The following DLGAP1 variants were observed in gnomAD, a reference collection of about 807,000 sequenced individuals.
The protein encoded by DLGAP1 is DLG associated protein 1, also known as disks large-associated protein 1.
Under a neutral mutation model 90.8 loss-of-function variants are expected in DLGAP1, and 11 were observed. The observed-to-expected ratio is 0.12, with a 90% CI of 0.08 to 0.20. The LOEUF is 0.20. Among genes scored for constraint, DLGAP1 ranks in the 10% least tolerant of loss-of-function variants. The pLI is 1.00. For synonymous variants in DLGAP1, 558 were observed against 540.7 expected (o/e 1.03, Z -0.44); for missense variants, 1,050 against 1,333.8 (o/e 0.79, Z 3.31).
chr18:3,990,474 G>T (rs1198812893), intron 3 of DLGAP1, among the ~76,000 whole-genome samples: 2 of 143,100 alleles, frequency 1.4e-5, no homozygotes, highest in East Asian at 4.0e-4. Flanking sequence ...TCACACTCTG[G>T]GGACTGTTGT....
At position 3,874,807 on chromosome 18, in the gene DLGAP1, A is replaced by G. The variant is rs1011852341; in HGVS notation, c.957+4305T>C. The G allele has an allele frequency of 8.1e-6, 11 of 1,350,764 alleles. No individual in the cohort carries two copies. The South Asian group carries it at 8.6e-5, about 11-fold the overall frequency. 83.7% of individuals were successfully genotyped at this position (1,350,764 alleles called of 1,614,324 possible). On this transcript the variant is annotated intron_variant, in intron 4 of 12. Coordinates refer to ENST00000315677, the MANE Select transcript of DLGAP1 (RefSeq NM_004746.4). ...TGACATTTAAAAATAACAATATTGG[A>G]AAAAAAAGGAGTCCCTTTTTTTATT...
At chr18:3,855,414 T>G (rs547715095) in intron 4 of DLGAP1, among the ~76,000 whole-genome samples, 155 of 152,156 alleles carry the variant, frequency 1.0e-3, no homozygotes, top group South Asian at 4.1e-3. Flanking sequence ...AACCTGCACA[T>G]GTACCCCTTA....
At chr18:3,639,839 C>T (rs2058866439) in intron 7 of DLGAP1, among the ~76,000 whole-genome samples, 1 of 138,014 alleles carries the variant, frequency 7.2e-6, no homozygotes, top group Non-Finnish European at 1.5e-5. Flanking sequence ...ACTGCAAGCT[C>T]CGCCTCCTGG....
At chr18:3,929,303 G>T (rs1311846087) in intron 3 of DLGAP1, among the ~76,000 whole-genome samples, 1 of 152,190 alleles carries the variant, frequency 6.6e-6, no homozygotes, top group Non-Finnish European at 1.5e-5. Flanking sequence ...AGCTATCAAG[G>T]TGTAGCACAT....
At chr18:3,769,160 G>C (rs1370805280) in intron 5 of DLGAP1, among the ~76,000 whole-genome samples, 2 of 152,100 alleles carry the variant, frequency 1.3e-5, no homozygotes, top group Admixed American at 6.5e-5. Context: ...AACATCACTA[G>C]TCATTAAGGA....
At chr18:4,233,781 A>G (rs73376914) in intron 1 of DLGAP1, among the ~76,000 whole-genome samples, 11,344 of 152,222 alleles carry the variant, frequency 0.075, 640 homozygotes, top group African/African-American at 0.15. Context: ...GGAGATAGAA[A>G]GCTGTATAGG....
At chr18:4,119,766 A>G (rs543977184) in intron 2 of DLGAP1, among the ~76,000 whole-genome samples, 2 of 152,320 alleles carry the variant, frequency 1.3e-5, no homozygotes, top group Admixed American at 6.5e-5. Context: ...GTGGATCACT[A>G]TTAATCTGGA....
chr18:4,212,351 T>C (rs1408731308), intron 1 of DLGAP1, among the ~76,000 whole-genome samples: 1 of 151,916 alleles, frequency 6.6e-6, no homozygotes, highest in Admixed American at 6.6e-5. Context: ...AATCTGGAAA[T>C]GCAGGAAAAG....
intron 3 of DLGAP1, among the ~76,000 whole-genome samples, chr18:3,949,704 T>C (rs529172088): frequency 1.8e-4 from 28 of 152,320 alleles, no homozygotes; most frequent in African/African-American, 6.3e-4. Context: ...TGTGCAATTG[T>C]ATTTAACATC....
At chr18:3,685,270 C>T (rs1049132416) in intron 7 of DLGAP1, among the ~76,000 whole-genome samples, 1 of 152,048 alleles carries the variant, frequency 6.6e-6, no homozygotes, top group African/African-American at 2.4e-5. Flanking sequence ...TGGTAAAAAT[C>T]CAAAGATGGG....
At chr18:4,033,137 A>G (rs1189432734) in intron 2 of DLGAP1, among the ~76,000 whole-genome samples, 4 of 151,926 alleles carry the variant, frequency 2.6e-5, no homozygotes, top group African/African-American at 9.7e-5. Context: ...TGCCCTAATC[A>G]TTAGTTATTT....
chr18:4,331,036 G>A (rs931027354), intron 1 of DLGAP1, among the ~76,000 whole-genome samples: 8 of 151,732 alleles, frequency 5.3e-5, no homozygotes, highest in East Asian at 1.9e-4. Context: ...GTGCAGAAAC[G>A]TTTAGGACTG....
At chr18:3,803,197 C>T (rs1309581320) in intron 5 of DLGAP1, among the ~76,000 whole-genome samples, 2 of 152,130 alleles carry the variant, frequency 1.3e-5, no homozygotes, top group Middle Eastern at 3.2e-3. Context: ...ACTGGACCCC[C>T]CCTAGCATTG....
At chr18:3,715,252 T>C (rs1264386446) in intron 7 of DLGAP1, among the ~76,000 whole-genome samples, 1 of 152,072 alleles carries the variant, frequency 6.6e-6, no homozygotes, top group Non-Finnish European at 1.5e-5. Flanking sequence ...GGGTGAGAAA[T>C]GGACAAATGC....
chr18:3,767,784 G>A (rs1000798448), intron 5 of DLGAP1, among the ~76,000 whole-genome samples: 53 of 152,002 alleles, frequency 3.5e-4, no homozygotes, highest in African/African-American at 9.7e-5. Flanking sequence ...AATTTGATAA[G>A]GAACATCTAA....
chr18:3,676,392 C>T (rs554536365), intron 7 of DLGAP1, among the ~76,000 whole-genome samples: 1 of 152,208 alleles, frequency 6.6e-6, no homozygotes, highest in Non-Finnish European at 1.5e-5. Context: ...ACCCTTCTCT[C>T]ACTAGAGAGA....
At chr18:4,242,020 T>C (rs1033714484) in intron 1 of DLGAP1, among the ~76,000 whole-genome samples, 4 of 152,304 alleles carry the variant, frequency 2.6e-5, no homozygotes, top group Non-Finnish European at 1.5e-5. Flanking sequence ...TCTGCCATTA[T>C]ATAGAAAAAT....
chr18:3,630,719 G>A (rs967089045), intron 7 of DLGAP1, among the ~76,000 whole-genome samples: 8 of 152,032 alleles, frequency 5.3e-5, no homozygotes, highest in Non-Finnish European at 1.0e-4. Context: ...CTGTTCTGTT[G>A]GGCTACTGCC....
At chr18:4,399,119 C>T (rs371335269) in intron 1 of DLGAP1, among the ~76,000 whole-genome samples, 2 of 152,140 alleles carry the variant, frequency 1.3e-5, no homozygotes, top group Non-Finnish European at 2.9e-5. Context: ...CGTGAGCCAC[C>T]GCACCAGGCC....
Sources: allele counts gnomAD v4.1 joint callset (sites outside exome capture counted in the v4.1 genomes callset), GRCh38; gene constraint gnomAD v4.1.1; transcripts MANE v1.5; gene names NCBI Gene and HGNC (gene_info 2026-07-23, HGNC 2026-07-21).